The following PLEKHA6 variants were observed in gnomAD, a reference collection of about 807,000 sequenced individuals.
PLEKHA6 encodes the protein pleckstrin homology domain containing A6.
PLEKHA6 carries 60 observed loss-of-function variants against 116.7 expected under a neutral mutation model. The observed-to-expected ratio is 0.51, with a 90% CI of 0.42 to 0.64. PLEKHA6 has a LOEUF of 0.64. Among genes scored for constraint, PLEKHA6 ranks in the 30% least tolerant of loss-of-function variants. The pLI, the probability that PLEKHA6 is intolerant of heterozygous loss-of-function variation, is 0.00. For missense variants in PLEKHA6, 1,338 were observed against 1,422.7 expected (o/e 0.94, Z 0.96); for synonymous variants, 489 against 556.1 (o/e 0.88, Z 1.70).
At position 204,367,620 on chromosome 1, in the gene PLEKHA6, G is replaced by T. The variant is rs74358187; in HGVS notation, c.218+179C>A. ...ACTGCCCAGGCCAACATAAACAGACGCACTGATACATACGTTCCCATCTCT... is the reference window on the plus strand; with the variant it reads ...ACTGCCCAGGCCAACATAAACAGACTCACTGATACATACGTTCCCATCTCT... On this transcript the variant is annotated intron_variant, in intron 3 of 4. Coordinates refer to the PLEKHA6 transcript ENST00000564627. 4.8e-3 allele frequency among the ~76,000 whole-genome samples: 728 copies of T among 152,180 alleles called. 3 individuals carry two copies. Among genetic ancestry groups the T allele is most frequent in the Non-Finnish European group, 8.4e-3 (568 of 68,012 alleles).
intron 1 of PLEKHA6, among the ~76,000 whole-genome samples, chr1:204,330,714 A>G (rs1280375417): frequency 6.6e-6 from 1 of 152,164 alleles, no homozygotes; most frequent in African/African-American, 2.4e-5. Flanking sequence ...ACAGAGGTAG[A>G]GCCAGTGCTA....
intron 1 of PLEKHA6, among the ~76,000 whole-genome samples, chr1:204,324,544 T>C (rs559072017): frequency 6.6e-6 from 1 of 152,210 alleles, no homozygotes; most frequent in African/African-American, 2.4e-5. Flanking sequence ...AGGAACCAAA[T>C]GAAGAGAACT....
chr1:204,234,083 C>T (rs1316116081), intron 17 of PLEKHA6, among the ~76,000 whole-genome samples: 3 of 152,134 alleles, frequency 2.0e-5, no homozygotes, highest in Non-Finnish European at 4.4e-5. Flanking sequence ...AAATAGGTCT[C>T]TGCAGATGTA....
chr1:204,245,448 A>G (rs953356088), intron 14 of PLEKHA6, among the ~76,000 whole-genome samples, 167 bp downstream of exon 14: 2 of 151,654 alleles, frequency 1.3e-5, no homozygotes, highest in Admixed American at 1.3e-4. Context: ...GGGGTAAGGG[A>G]CCCCTACCTA....
At chr1:204,317,789 T>A (rs1350935340) in intron 1 of PLEKHA6, among the ~76,000 whole-genome samples, 2 of 152,186 alleles carry the variant, frequency 1.3e-5, no homozygotes, top group Non-Finnish European at 2.9e-5. Flanking sequence ...TAAGAATAAA[T>A]ATTATTTTGG....
chr1:204,305,013 C>T (rs554586504), intron 1 of PLEKHA6, among the ~76,000 whole-genome samples: 1 of 152,136 alleles, frequency 6.6e-6, no homozygotes, highest in Non-Finnish European at 1.5e-5. Flanking sequence ...CTCGCCTGTT[C>T]AAATAATTCA....
In PLEKHA6 at chr1:204,219,551, C is replaced by G. The variant is rs988093254; in HGVS notation, c.*3237G>C. 1 of 152,160 alleles carries G rather than the reference C, an allele frequency of 6.6e-6. No individual in the cohort carries two copies. The highest frequency in any genetic ancestry group is 1.5e-5 in the Non-Finnish European group (1 of 68,038). 9.4% of individuals were successfully genotyped at this position (152,160 alleles called of 1,614,324 possible). A position where few individuals can be genotyped will look rare whatever the true frequency, so the allele number is the denominator to read the frequency against. On this transcript the variant is annotated 3_prime_UTR_variant, in exon 23 of 23. Transcript: ENST00000272203. Reference sequence around the variant, plus strand: ...CCCAGGTGGGTCACTTAGCTCTGGACCCCCATCTGGGCTCTGTTCATTCAG... The same window carrying G: ...CCCAGGTGGGTCACTTAGCTCTGGAGCCCCATCTGGGCTCTGTTCATTCAG...
intron 11 of PLEKHA6, 44 bp downstream of exon 11, chr1:204,249,140 C>G: frequency 1.3e-6 from 2 of 1,542,050 alleles, no homozygotes; most frequent in South Asian, 2.2e-5. Context: ...TCCAAGCCAG[C>G]CTCGCCCATC....
At chr1:204,265,072 T>C in intron 5 of PLEKHA6, 30 bp from the exon 6 acceptor site, 1 of 1,422,560 alleles carries the variant, frequency 7.0e-7, no homozygotes, top group Non-Finnish European at 9.8e-7. Flanking sequence ...AAGAAGGGTG[T>C]GTGTGTGTGT....
Position 204,241,677 on chromosome 1 carries a change from G to A in PLEKHA6, c.2302+8C>T. 6.3e-7 allele frequency: 1 copy of A among 1,578,984 alleles called. No individual in the cohort carries two copies. The highest frequency in any genetic ancestry group is 8.6e-7 in the Non-Finnish European group (1 of 1,164,546). On this transcript the variant is annotated splice_region_variant and intron_variant, in intron 16 of 22. Coordinates refer to ENST00000272203, the MANE Select transcript of PLEKHA6 (RefSeq NM_014935.5). ...CTTACTTCTAGGGGAAGATGGGACA[G>A]AAAGTACCTTTGTTGAGAGCTGCCT... is the stretch of plus-strand genomic sequence containing the variant.
chr1:204,256,982 G>T (rs1665395621), intron 9 of PLEKHA6: 7 of 583,390 alleles, frequency 1.2e-5, no homozygotes, highest in Non-Finnish European at 2.1e-5. Flanking sequence ...TTTGTGTTCA[G>T]TTCCCAGAGC....
intron 1 of PLEKHA6, among the ~76,000 whole-genome samples, chr1:204,290,835 C>T (rs1355705758): frequency 6.6e-6 from 1 of 151,810 alleles, no homozygotes; most frequent in Non-Finnish European, 1.5e-5. Context: ...ACTAACAATA[C>T]AAAAATTAGC....
chr1:204,344,548 C>T (rs1045576930), intron 1 of PLEKHA6, among the ~76,000 whole-genome samples: 4 of 146,904 alleles, frequency 2.7e-5, no homozygotes, highest in Non-Finnish European at 5.9e-5. Flanking sequence ...TGCAGTCAGC[C>T]GAGATTGTGC....
chr1:204,263,223 G>A (rs1666359550), intron 6 of PLEKHA6, among the ~76,000 whole-genome samples: 1 of 152,228 alleles, frequency 6.6e-6, no homozygotes, highest in Admixed American at 6.5e-5. Context: ...CAGGGCCATT[G>A]ATGGGGAGTG....
chr1:204,263,497 C>A (rs1666393588), intron 6 of PLEKHA6, among the ~76,000 whole-genome samples: 1 of 152,086 alleles, frequency 6.6e-6, no homozygotes, highest in Non-Finnish European at 1.5e-5. Context: ...ACAATCAGAA[C>A]CCTTTGTGGG....
At chr1:204,293,658 T>C (rs1218579888) in intron 1 of PLEKHA6, among the ~76,000 whole-genome samples, 1 of 152,206 alleles carries the variant, frequency 6.6e-6, no homozygotes, top group African/African-American at 2.4e-5. Flanking sequence ...TGATTTTGAT[T>C]TTAAAATTAT....
rs562365342 is a variant in PLEKHA6 at position 204,335,518 on chromosome 1, G to A, written c.-95+24176C>T. On this transcript the variant is annotated intron_variant, in intron 1 of 22. Transcript: ENST00000272203. ...TCCCATCTCTCAAAGGCATCTTTAC[G>A]CCGCAGTGGCCGCTGCACCTCTCCC... Among the ~76,000 whole-genome samples, 12 of 152,158 alleles carry A rather than the reference G, an allele frequency of 7.9e-5. 1 individual carries two copies. In the South Asian group the frequency reaches 1.5e-3, roughly 18 times the overall value.
chr1:204,224,211 A>G (rs12063557), intron 21 of PLEKHA6, among the ~76,000 whole-genome samples: 3,649 of 152,174 alleles, frequency 0.024, 104 homozygotes, highest in African/African-American at 0.073. Flanking sequence ...AAATCGAGAC[A>G]AGCCTGAAAT....
chr1:204,270,455 C>A (rs1667330096), intron 3 of PLEKHA6, among the ~76,000 whole-genome samples: 1 of 152,136 alleles, frequency 6.6e-6, no homozygotes, highest in Non-Finnish European at 1.5e-5. Context: ...TTCTTTCTAA[C>A]CAAGCCTGTT....
Sources: gnomAD v4.1 joint callset for allele counts (sites outside exome capture counted in the v4.1 genomes callset) on GRCh38, gnomAD v4.1.1 for gene constraint, MANE v1.5 for transcripts, NCBI Gene and HGNC (gene_info 2026-07-23, HGNC 2026-07-21) for gene names.